Variants in EYS observed in about 807,000 individuals in gnomAD.
EYS encodes protein eyes shut homolog.
A neutral mutation model predicts 282.1 loss-of-function variants in EYS; 250 were observed. The ratio of observed to expected loss-of-function variants is 0.89; its 90% CI spans 0.80 to 0.98. The LOEUF (loss-of-function observed/expected upper bound fraction) is 0.98. Ranked by LOEUF, EYS falls within the 50% of genes least tolerant of loss-of-function variation. EYS has a pLI of 0.00. For synonymous variants in EYS, 1,355 were observed against 1,282.9 expected, an observed-to-expected ratio of 1.06 and a Z score of -1.20; for missense variants, 4,016 against 3,709.0, an observed-to-expected ratio of 1.08 and a Z score of -2.15.
chr6:64,434,548 C>T (rs1303602422), intron 28 of EYS, among the ~76,000 whole-genome samples: 2 of 151,916 alleles, frequency 1.3e-5, no homozygotes, highest in Admixed American at 1.3e-4. Flanking sequence ...GCAGTTCTTT[C>T]CTGGTGGGGG....
intron 22 of EYS, among the ~76,000 whole-genome samples, chr6:64,737,752 G>A (rs977019095): frequency 1.3e-5 from 2 of 152,156 alleles, no homozygotes; most frequent in African/African-American, 4.8e-5. Context: ...AGGAGTTCAG[G>A]AAGACTCAGA....
chr6:64,555,525 G>A (rs549899071), intron 26 of EYS, among the ~76,000 whole-genome samples: 1 of 151,874 alleles, frequency 6.6e-6, no homozygotes, highest in African/African-American at 2.4e-5. Flanking sequence ...GTGAGGTAAT[G>A]CATGTGTTAA....
chr6:64,792,542 A>G (rs1774223477), intron 22 of EYS, among the ~76,000 whole-genome samples: 1 of 152,024 alleles, frequency 6.6e-6, no homozygotes, highest in Non-Finnish European at 1.5e-5. Context: ...TAAGATTAAC[A>G]TTAATTTGGA....
chr6:64,121,706 A>G (rs1350841718), intron 31 of EYS, among the ~76,000 whole-genome samples: 1 of 152,170 alleles, frequency 6.6e-6, no homozygotes, highest in Admixed American at 6.5e-5. Flanking sequence ...CCTAGCTTAA[A>G]TTTGACTCAT....
intron 19 of EYS, among the ~76,000 whole-genome samples, chr6:64,876,147 A>G (rs1056253582): frequency 2.0e-5 from 3 of 152,070 alleles, no homozygotes; most frequent in African/African-American, 7.2e-5. Flanking sequence ...ACATCAAATT[A>G]TATCCTATCT....
intron 5 of EYS, among the ~76,000 whole-genome samples, chr6:65,455,479 T>A (rs1166927298): frequency 6.6e-6 from 1 of 151,962 alleles, no homozygotes; most frequent in Admixed American, 6.6e-5. Flanking sequence ...AAGAGTTGGA[T>A]GACTGAAAAG....
chr6:64,686,779 A>ATATGTG (rs1354966102), intron 22 of EYS, among the ~76,000 whole-genome samples: 5,129 of 23,466 alleles, frequency 0.22, 1,472 homozygotes, highest in Non-Finnish European at 0.42. Flanking sequence ...ATATATATAT[A>ATATGTG]TATATATATG....
chr6:65,696,510 G>A (rs1769462761), intron 1 of EYS, among the ~76,000 whole-genome samples: 2 of 151,792 alleles, frequency 1.3e-5, no homozygotes, highest in African/African-American at 4.8e-5. Context: ...GATTTTCTTA[G>A]TTGCTATCAT....
intron 22 of EYS, among the ~76,000 whole-genome samples, chr6:64,635,810 T>C (rs1767956671): frequency 6.6e-6 from 1 of 152,196 alleles, no homozygotes; most frequent in Admixed American, 6.5e-5. Flanking sequence ...TCTGCCAGGC[T>C]TTGGTATCAG....
intron 14 of EYS, among the ~76,000 whole-genome samples, chr6:64,953,957 C>T (rs1379354047): frequency 1.3e-5 from 2 of 151,828 alleles, no homozygotes; most frequent in East Asian, 3.9e-4. Flanking sequence ...AAAACATAAA[C>T]CTCTAAGAAA....
At chr6:63,775,684 C>T (rs1185543521) in intron 40 of EYS, among the ~76,000 whole-genome samples, 1 of 152,008 alleles carries the variant, frequency 6.6e-6, no homozygotes, top group Non-Finnish European at 1.5e-5. Context: ...TATTACAAAG[C>T]ACAATTTTTT....
intron 36 of EYS, chr6:63,821,253 G>A (rs564789501): frequency 1.3e-5 from 2 of 151,646 alleles, no homozygotes; most frequent in Admixed American, 6.6e-5. Context: ...GGGCTTGAAA[G>A]TGTAACAAGA....
At chr6:64,960,301 G>A (rs552789913) in intron 14 of EYS, among the ~76,000 whole-genome samples, 2 of 152,112 alleles carry the variant, frequency 1.3e-5, no homozygotes, top group East Asian at 3.9e-4. Context: ...ATAGTCATAT[G>A]TCATATAATC....
intron 15 of EYS, among the ~76,000 whole-genome samples, chr6:64,916,540 G>A (rs16896027): frequency 0.016 from 2,462 of 152,312 alleles, 65 homozygotes; most frequent in African/African-American, 0.057. Context: ...ACATGTCAGA[G>A]AAGCTAGTGT....
intron 2 of EYS, among the ~76,000 whole-genome samples, chr6:65,630,586 T>C (rs10944827): frequency 0.36 from 54,110 of 152,152 alleles, 12,015 homozygotes; most frequent in Non-Finnish European, 0.49. Flanking sequence ...TCAGGTTGCA[T>C]AACAAATACA....
At chr6:65,256,262 CTTTTTTTTTTTCT>C (rs1767458761) in intron 12 of EYS, among the ~76,000 whole-genome samples, 2 of 137,258 alleles carry the variant, frequency 1.5e-5, no homozygotes, top group Admixed American at 7.6e-5. Flanking sequence ...AGACAAACTT[CTTTTTTTTTTTCT>C]TTTTTTTTTT....
chr6:64,955,829 C>T (rs1394627430), intron 14 of EYS, among the ~76,000 whole-genome samples: 1 of 152,062 alleles, frequency 6.6e-6, no homozygotes, highest in Non-Finnish European at 1.5e-5. Flanking sequence ...AAAAAATATC[C>T]CCAGCACTCA....
At chr6:64,737,481 C>A (rs888172851) in intron 22 of EYS, among the ~76,000 whole-genome samples, 1 of 152,168 alleles carries the variant, frequency 6.6e-6, no homozygotes, top group Admixed American at 6.5e-5. Context: ...GAAGCAAAAT[C>A]TGGAAACTTT....
chr6:65,654,302 C>T (rs1330312403), intron 1 of EYS, among the ~76,000 whole-genome samples: 1 of 151,758 alleles, frequency 6.6e-6, no homozygotes, highest in Non-Finnish European at 1.5e-5. Flanking sequence ...ACTCACAGAC[C>T]TGAGCTTCTG....
Sources: allele counts gnomAD v4.1 joint callset (sites outside exome capture counted in the v4.1 genomes callset), GRCh38; gene constraint gnomAD v4.1.1; transcripts MANE v1.5; gene names NCBI Gene and HGNC (gene_info 2026-07-23, HGNC 2026-07-21).